PCDHGA2: variants seen among roughly 807,000 people sequenced by gnomAD.
PCDHGA2 encodes protocadherin gamma subfamily A, 2.
PCDHGA2 carries 40 observed loss-of-function variants against 59.2 expected under a neutral mutation model. The ratio of observed to expected loss-of-function variants is 0.68; its 90% CI spans 0.52 to 0.88. The LOEUF is 0.88. Ranked by LOEUF, PCDHGA2 falls within the 40% of genes least tolerant of loss-of-function variation. The probability of loss-of-function intolerance (pLI) is 0.00; values close to 1 mark genes in which losing one functional copy is unlikely to be tolerated. For synonymous variants in PCDHGA2, 560 were observed against 526.0 expected, an observed-to-expected ratio of 1.06 and a Z score of -0.89; for missense variants, 1,226 against 1,204.0, an observed-to-expected ratio of 1.02 and a Z score of -0.27.
intron 1 of PCDHGA2, chr5:141,345,210 A>G (rs1268180575): frequency 1.2e-6 from 2 of 1,613,962 alleles, no homozygotes; most frequent in Non-Finnish European, 1.7e-6. Context: ...TCTGCCATTT[A>G]AGTTAGAAAA....
intron 1 of PCDHGA2, chr5:141,422,513 G>A (rs765955739): frequency 6.2e-7 from 1 of 1,614,000 alleles, no homozygotes. Context: ...ACAGACCAGG[G>A]AAGCCCGCCT....
chr5:141,352,107 G>T (rs754148272), intron 1 of PCDHGA2: 1 of 1,607,214 alleles, frequency 6.2e-7, no homozygotes, highest in Non-Finnish European at 8.5e-7. Context: ...TTCAGCCTGG[G>T]GTTGCGCACG....
intron 1 of PCDHGA2, chr5:141,385,418 A>C: frequency 6.8e-7 from 1 of 1,466,614 alleles, no homozygotes; most frequent in Non-Finnish European, 9.0e-7. Flanking sequence ...ATAGGGATTT[A>C]AAAAACTTTA....
intron 1 of PCDHGA2, among the ~76,000 whole-genome samples, chr5:141,382,554 T>C (rs1388983108): frequency 6.6e-6 from 1 of 152,216 alleles, no homozygotes; most frequent in African/African-American, 2.4e-5. Flanking sequence ...CAGGGATATC[T>C]AGAGCAAAGA....
intron 2 of PCDHGA2, 54 bp from the exon 3 acceptor site, chr5:141,505,339 G>A: frequency 1.2e-6 from 2 of 1,612,236 alleles, no homozygotes; most frequent in Middle Eastern, 3.4e-4. Flanking sequence ...GACAGGAGGG[G>A]CATGAGCTGT....
intron 1 of PCDHGA2, among the ~76,000 whole-genome samples, chr5:141,467,820 G>T (rs1278112158): frequency 6.6e-6 from 1 of 151,884 alleles, no homozygotes; most frequent in African/African-American, 2.4e-5. Flanking sequence ...CACCACACCA[G>T]GCTGATTTTT....
intron 1 of PCDHGA2, among the ~76,000 whole-genome samples, chr5:141,460,983 GTA>G (rs59296681): frequency 1.2e-4 from 16 of 137,836 alleles, no homozygotes; most frequent in East Asian, 2.1e-4. Context: ...GTGTGTGTGT[GTA>G]TATATATATA....
chr5:141,433,742 C>T lies in PCDHGA2; in HGVS notation c.2425-61065C>T, dbSNP rs927651405. 2.6e-5 allele frequency among the ~76,000 whole-genome samples: 4 copies of T among 150,944 alleles called. No homozygotes were observed. The East Asian group carries it at 7.9e-4, about 30-fold the overall frequency. On this transcript the variant is annotated intron_variant, in intron 1 of 3. Coordinates refer to ENST00000394576, the MANE Select transcript of PCDHGA2 (RefSeq NM_018915.4). Reference sequence around the variant, plus strand: ...ATCCCAGCTACTTGGGAGGCTGAGTCAGGAGAATTGCTTTAACCTGGGAGG... The same window carrying T: ...ATCCCAGCTACTTGGGAGGCTGAGTTAGGAGAATTGCTTTAACCTGGGAGG...
At chr5:141,384,295 C>G in intron 1 of PCDHGA2, 2 of 1,613,828 alleles carry the variant, frequency 1.2e-6, no homozygotes, top group South Asian at 2.2e-5. Context: ...TGAGAACAAC[C>G]CCAGAGGGGC....
chr5:141,365,576 T>G, intron 1 of PCDHGA2: 1 of 1,613,666 alleles, frequency 6.2e-7, no homozygotes, highest in Non-Finnish European at 8.5e-7. Flanking sequence ...AGAAGAGACT[T>G]CAGATTATAA....
chr5:141,409,248 T>A (rs779725312), intron 1 of PCDHGA2: 3 of 1,614,032 alleles, frequency 1.9e-6, no homozygotes, highest in South Asian at 2.2e-5. Context: ...GAAATAATCA[T>A]CACTTCTCTC....
chr5:141,400,027 G>A, intron 1 of PCDHGA2: 20 of 1,612,664 alleles, frequency 1.2e-5, no homozygotes, highest in Non-Finnish European at 1.7e-5. Flanking sequence ...CAGGGACGCG[G>A]CCCGCCAGCG....
chr5:141,388,434 G>A (rs767784412), intron 1 of PCDHGA2: 3 of 1,613,878 alleles, frequency 1.9e-6, no homozygotes, highest in Non-Finnish European at 2.5e-6. Flanking sequence ...GATAAATAAA[G>A]AGAAATCAGA....
chr5:141,371,996 C>T, intron 1 of PCDHGA2: 1 of 1,613,272 alleles, frequency 6.2e-7, no homozygotes, highest in Non-Finnish European at 8.5e-7. Context: ...CTCTGCAGGC[C>T]CGCGACCAGG....
At chr5:141,370,410 G>A in intron 1 of PCDHGA2, 1 of 1,565,394 alleles carries the variant, frequency 6.4e-7, no homozygotes. Flanking sequence ...AAATAGCTCC[G>A]GATGGAGGGG....
rs769671283 is a variant in PCDHGA2, at chr5:141,511,391, C to A, written c.*218C>A. 1 of 1,079,748 alleles carries A rather than the reference C, an allele frequency of 9.3e-7. No homozygotes were observed. The allele number at this position is 1,079,748 out of a possible 1,614,324, so 66.9% of individuals were successfully genotyped here. On this transcript the variant is annotated 3_prime_UTR_variant, in exon 4 of 4. Transcript: ENST00000394576. ...TGCAAAAGCAGTTCCGCTGGGAACC[C>A]CCATCCAATCAACTGCTGTACCCAT...
intron 1 of PCDHGA2, chr5:141,391,737 T>C (rs1050956818): frequency 6.6e-6 from 1 of 152,224 alleles, no homozygotes; most frequent in Non-Finnish European, 1.5e-5. Context: ...TTTGTAGTCA[T>C]ACTTATCCTT....
At chr5:141,414,894 A>T in intron 1 of PCDHGA2, 1 of 1,613,958 alleles carries the variant, frequency 6.2e-7, no homozygotes, top group South Asian at 1.1e-5. Flanking sequence ...CCCTCCCCAC[A>T]GACGGTTCCA....
chr5:141,412,790 A>G lies in PCDHGA2; in HGVS notation c.2424+71395A>G, dbSNP rs557299291. ...ATTTACAATATTTTCACTCCACTTTATCACACCTCCCCTAAGAAACCTACA... is the reference window on the plus strand; with the variant it reads ...ATTTACAATATTTTCACTCCACTTTGTCACACCTCCCCTAAGAAACCTACA... On this transcript the variant is annotated intron_variant, in intron 1 of 3. Coordinates refer to ENST00000394576, the MANE Select transcript of PCDHGA2 (RefSeq NM_018915.4). Among the ~76,000 whole-genome samples the G allele has an allele frequency of 2.0e-5, 3 of 152,370 alleles. No individual in the cohort carries two copies. The South Asian group carries it at 6.2e-4, about 32-fold the overall frequency.
Sources: gnomAD v4.1 joint callset for allele counts (sites outside exome capture counted in the v4.1 genomes callset) on GRCh38, gnomAD v4.1.1 for gene constraint, MANE v1.5 for transcripts, NCBI Gene and HGNC (gene_info 2026-07-23, HGNC 2026-07-21) for gene names.